Variants in EIF2AK1 observed in about 807,000 individuals in gnomAD.
EIF2AK1 encodes the protein eukaryotic translation initiation factor 2 alpha kinase 1, also known as eukaryotic translation initiation factor 2-alpha kinase 1.
A neutral mutation model predicts 77.9 loss-of-function variants in EIF2AK1; 54 were observed. The ratio of observed to expected loss-of-function variants is 0.69; its 90% CI spans 0.56 to 0.87. EIF2AK1 has a LOEUF of 0.87. Ranked by LOEUF, EIF2AK1 falls within the 40% of genes least tolerant of loss-of-function variation. The probability of loss-of-function intolerance (pLI) is 0.00; values close to 1 mark genes in which losing one functional copy is unlikely to be tolerated. For synonymous variants in EIF2AK1, 314 were observed against 290.5 expected (o/e 1.08, Z -0.82); for missense variants, 810 against 768.6 (o/e 1.05, Z -0.64).
rs1258112578 is a variant in EIF2AK1 at position 6,025,036 on chromosome 7, G to A, written c.1765-235C>T. The stretch of plus-strand genomic sequence containing the variant: ...GTATTTTTAGTAGAGATGAGGTTTC[G>A]CCATGTTGGCCAGGCCGGTCTCAAA... On this transcript the variant is annotated intron_variant, in intron 14 of 14. Coordinates refer to ENST00000199389, the MANE Select transcript of EIF2AK1 (RefSeq NM_014413.4). 2.0e-5 allele frequency among the ~76,000 whole-genome samples: 3 copies of A among 151,834 alleles called. No homozygotes were observed. The South Asian group carries it at 6.3e-4, about 32-fold the overall frequency.
chr7:6,034,762 A>T (rs182891724), intron 11 of EIF2AK1, among the ~76,000 whole-genome samples: 31 of 152,322 alleles, frequency 2.0e-4, no homozygotes, highest in African/African-American at 6.5e-4. Flanking sequence ...GCCAAAACAA[A>T]GGAATTTTTG....
chr7:6,024,374 G>GATA lies in EIF2AK1; in HGVS notation c.*298_*299insTAT. On this transcript the variant is annotated 3_prime_UTR_variant, in exon 15 of 15. Transcript: ENST00000199389. ...GCAGGGAGCACACATCAATTTCTGC[G>GATA]GTACCTTCTAGAGGAAGACCAGACA... 1 of 945,424 alleles carries GATA rather than the reference G, an allele frequency of 1.1e-6. No individual in the cohort carries two copies. The highest frequency in any genetic ancestry group is 1.3e-6 in the Non-Finnish European group (1 of 766,128). The allele number at this position is 945,424 out of a possible 1,614,324, so 58.6% of individuals were successfully genotyped here.
Position 6,035,391 on chromosome 7 carries a change from A to T in EIF2AK1, c.1332+2033T>A. The T allele has an allele frequency of 6.8e-7, 1 of 1,476,634 alleles. No homozygotes were observed. The highest frequency in any genetic ancestry group is 9.2e-7 in the Non-Finnish European group (1 of 1,089,550). The allele number at this position is 1,476,634 out of a possible 1,614,324, so 91.5% of individuals were successfully genotyped here. On this transcript the variant is annotated intron_variant, in intron 11 of 14. Transcript: ENST00000199389. This position sits in a 1 kb window ranked among gnomAD's most constrained non-coding sequence, Gnocchi z 5.5. ...CTTCTTAAGCATTAACTGTCCACGT[A>T]GAGCCGTTCCCACTGTGAATTCAGT... is the stretch of plus-strand genomic sequence containing the variant.
chr7:6,049,441 G>T (rs1438174693), intron 3 of EIF2AK1, among the ~76,000 whole-genome samples: 1 of 152,162 alleles, frequency 6.6e-6, no homozygotes, highest in Non-Finnish European at 1.5e-5. Context: ...TACTTGGGAG[G>T]CTAAGGCAGG....
chr7:6,040,979 T>C lies in EIF2AK1; in HGVS notation c.1032A>G (p.Pro344=). ...CCTCTAGGTGGGAATTACGCCTGAG[T>C]GGCAGCTGCTGTTCCACAATTGAAC... The part of the protein sequence containing the change: ...SASSIVEQQL[P]LRRNSHLEES... The change falls in exon 9 of 15, where the codon CCA becomes CCG. Residue 344 remains proline, a synonymous_variant. Transcript: ENST00000199389. The C allele has an allele frequency of 6.2e-7, 1 of 1,614,114 alleles. No individual in the cohort carries two copies. Among genetic ancestry groups the C allele is most frequent in the Non-Finnish European group, 8.5e-7 (1 of 1,180,020 alleles).
Position 6,035,299 on chromosome 7 carries a change from C to G in EIF2AK1, c.1332+2125G>C, listed in dbSNP as rs1476574431. The G allele has an allele frequency of 1.2e-6, 1 of 821,546 alleles. No homozygotes were observed. The highest frequency in any genetic ancestry group is 1.7e-5 in the African/African-American group (1 of 57,932). The allele number at this position is 821,546 out of a possible 1,614,324, so 50.9% of individuals were successfully genotyped here. A position where few individuals can be genotyped will look rare whatever the true frequency, so the allele number is the denominator to read the frequency against. The stretch of plus-strand genomic sequence containing the variant: ...ACCCTGGGATAGCCTGAGAAACTAC[C>G]CAGCGATACAGATTTTGAAACACGT... On this transcript the variant is annotated intron_variant, in intron 11 of 14. Transcript: ENST00000199389. The surrounding 1 kb of genome is among the most constrained non-coding windows in gnomAD (Gnocchi z 5.5).
intron 1 of EIF2AK1, among the ~76,000 whole-genome samples, chr7:6,055,840 G>A (rs940162587): frequency 4.0e-5 from 6 of 151,340 alleles, no homozygotes; most frequent in South Asian, 4.2e-4. Flanking sequence ...TTAGCCAGGC[G>A]TGGTGGCGCA....
chr7:6,052,171 CAAAA>C (rs397779941), intron 2 of EIF2AK1, among the ~76,000 whole-genome samples: 4 of 90,728 alleles, frequency 4.4e-5, no homozygotes, highest in Admixed American at 1.2e-4. Context: ...GACTCCTTAT[CAAAA>C]AAAAAAAAAA....
chr7:6,028,792 A>C, intron 12 of EIF2AK1, 95 bp from the exon 13 acceptor site: 1 of 1,419,446 alleles, frequency 7.0e-7, no homozygotes, highest in Non-Finnish European at 9.9e-7. Context: ...TCCTAAGAGA[A>C]CAACAGTTGC....
In EIF2AK1 at chr7:6,032,019, C is replaced by G. The variant is rs988365289; in HGVS notation, c.1333-2987G>C. Among the ~76,000 whole-genome samples the G allele has an allele frequency of 2.6e-5, 4 of 152,126 alleles. No homozygotes were observed. The highest frequency in any genetic ancestry group is 4.4e-5 in the Non-Finnish European group (3 of 67,994). On this transcript the variant is annotated intron_variant, in intron 11 of 14. Coordinates refer to ENST00000199389, the MANE Select transcript of EIF2AK1 (RefSeq NM_014413.4). The surrounding 1 kb of genome is among the most constrained non-coding windows in gnomAD (Gnocchi z 4.3). ...CAAAACCCCGTCTCTACTAAAAATA[C>G]AAAAATTAGCCGGGCTTGGTGGCAG...
At chr7:6,046,336 G>A (rs1172735411) in intron 5 of EIF2AK1, 185 bp from the exon 6 acceptor site, 2 of 361,064 alleles carry the variant, frequency 5.5e-6, no homozygotes, top group African/African-American at 2.1e-5. Context: ...AGTGTTGGAA[G>A]TCTAGCTCCT....
At chr7:6,042,652 G>A (rs949815129) in intron 8 of EIF2AK1, among the ~76,000 whole-genome samples, 2 of 151,912 alleles carry the variant, frequency 1.3e-5, no homozygotes, top group African/African-American at 4.8e-5. Context: ...ACATCACGAG[G>A]CCAGGAGATC....
At chr7:6,043,790 A>G (rs1042509327) in intron 7 of EIF2AK1, among the ~76,000 whole-genome samples, 3 of 151,830 alleles carry the variant, frequency 2.0e-5, no homozygotes, top group African/African-American at 7.3e-5. Context: ...GTTCTAATAA[A>G]TTTTATTTAT....
intron 11 of EIF2AK1, among the ~76,000 whole-genome samples, chr7:6,030,690 G>A (rs1453840861): frequency 6.6e-6 from 1 of 152,078 alleles, no homozygotes; most frequent in Non-Finnish European, 1.5e-5. Context: ...GTAGCGACAG[G>A]GTTTCACCAT....
At chr7:6,051,901 G>A (rs777729468) in intron 2 of EIF2AK1, among the ~76,000 whole-genome samples, 4 of 152,188 alleles carry the variant, frequency 2.6e-5, no homozygotes, top group Admixed American at 6.5e-5. Context: ...GACTGGGCAT[G>A]GTGGCTCACA....
At chr7:6,055,513 G>T (rs1471203648) in intron 1 of EIF2AK1, among the ~76,000 whole-genome samples, 2 of 151,912 alleles carry the variant, frequency 1.3e-5, no homozygotes, top group East Asian at 3.9e-4. Context: ...TGAAAACACT[G>T]ATCTCAGAGA....
At position 6,036,223 on chromosome 7, in the gene EIF2AK1, C is replaced by T. The variant is rs1483404547; in HGVS notation, c.1332+1201G>A. 2 of 1,549,880 alleles carry T rather than the reference C, an allele frequency of 1.3e-6. No homozygotes were observed. The highest frequency in any genetic ancestry group is 1.2e-5 in the South Asian group (1 of 83,822). ...CCAGAATTCCGCCTCTTAAGGGACACCCTAATAAAGCAATCGCAAAAACCT... is the reference window on the plus strand; with the variant it reads ...CCAGAATTCCGCCTCTTAAGGGACATCCTAATAAAGCAATCGCAAAAACCT... On this transcript the variant is annotated intron_variant, in intron 11 of 14. Transcript: ENST00000199389. The surrounding 1 kb of genome is among the most constrained non-coding windows in gnomAD (Gnocchi z 4.6).
In EIF2AK1 at chr7:6,059,074, C is replaced by G. The variant is rs766766697; in HGVS notation, c.10G>C (p.Gly4Arg). Residue 4 changes from glycine (G) to arginine (R), a missense_variant, in exon 1 of 15, where the codon GGC (glycine) becomes CGC (arginine). By Grantham distance (125) the Gly-to-Arg change is moderately radical. Transcript: ENST00000199389. The stretch of plus-strand genomic sequence containing the variant: ...TCGCGCTTGCGGACCCCGGAGTTGC[C>G]CCCCTGCATCGCCGGCCGCGCGCGG... MQG[G>R]NSGVRKREEE... 1.4e-6 allele frequency: 2 copies of G among 1,416,334 alleles called. No individual in the cohort carries two copies. Among genetic ancestry groups the G allele is most frequent in the African/African-American group, 1.5e-5 (1 of 66,030 alleles). The allele number at this position is 1,416,334 out of a possible 1,614,324, so 87.7% of individuals were successfully genotyped here.
intron 2 of EIF2AK1, among the ~76,000 whole-genome samples, chr7:6,051,969 G>A (rs958843904): frequency 2.6e-5 from 4 of 151,938 alleles, no homozygotes; most frequent in East Asian, 3.9e-4. Context: ...TCACGAGATC[G>A]AGATCATCCT....
Sources: gnomAD v4.1 joint callset for allele counts (sites outside exome capture counted in the v4.1 genomes callset) on GRCh38, gnomAD v4.1.1 for gene constraint, Gnocchi (gnomAD v3.1) non-coding constraint, MANE v1.5 for transcripts, NCBI Gene and HGNC (gene_info 2026-07-23, HGNC 2026-07-21) for gene names.